The following LUZP2 variants were observed in gnomAD, a reference collection of about 807,000 sequenced individuals.
LUZP2 encodes the protein leucine zipper protein 2.
LUZP2 carries 52 observed loss-of-function variants against 51.6 expected under a neutral mutation model. That is an observed-to-expected ratio of 1.01 (90% confidence interval 0.81 to 1.27). The LOEUF (loss-of-function observed/expected upper bound fraction) is 1.27. Among genes scored for constraint, LUZP2 ranks in the 50% most tolerant of loss-of-function variants. LUZP2 has a pLI of 0.00. For synonymous variants in LUZP2, 154 were observed against 137.3 expected (o/e 1.12, Z -0.85); for missense variants, 436 against 395.4 (o/e 1.10, Z -0.87).
intron 1 of LUZP2, among the ~76,000 whole-genome samples, chr11:24,536,061 T>C (rs1851167950): frequency 6.6e-6 from 1 of 151,766 alleles, no homozygotes; most frequent in Non-Finnish European, 1.5e-5. Flanking sequence ...TTGCAAGAAA[T>C]CTTTTGTTCT....
chr11:24,534,873 C>T (rs906367237), intron 1 of LUZP2, among the ~76,000 whole-genome samples: 5 of 151,236 alleles, frequency 3.3e-5, no homozygotes, highest in African/African-American at 1.2e-4. Context: ...AATGCAGGTC[C>T]TTGGTTGAAA....
At chr11:24,892,181 T>C (rs1852875867) in intron 5 of LUZP2, 13 of 985,646 alleles carry the variant, frequency 1.3e-5, no homozygotes, top group East Asian at 1.1e-4. Context: ...TCTCCTTTTT[T>C]ACCTTCTGTG....
intron 6 of LUZP2, among the ~76,000 whole-genome samples, chr11:24,906,783 G>A (rs1317634598): frequency 6.6e-6 from 1 of 152,062 alleles, no homozygotes; most frequent in Non-Finnish European, 1.5e-5. Flanking sequence ...AAATGTGCGA[G>A]AAATATATTC....
intron 1 of LUZP2, among the ~76,000 whole-genome samples, chr11:24,507,387 C>T (rs990755612): frequency 2.0e-5 from 3 of 152,068 alleles, no homozygotes; most frequent in Non-Finnish European, 4.4e-5. Flanking sequence ...CACACCTTTA[C>T]ACATGTGTAT....
At chr11:24,923,014 A>G (rs1344338163) in intron 7 of LUZP2, among the ~76,000 whole-genome samples, 2 of 151,392 alleles carry the variant, frequency 1.3e-5, no homozygotes, top group African/African-American at 4.9e-5. Flanking sequence ...ACGCCTAGCT[A>G]ATTTTTTGTA....
chr11:25,055,328 T>A (rs1281013701), intron 10 of LUZP2, among the ~76,000 whole-genome samples: 3 of 152,100 alleles, frequency 2.0e-5, no homozygotes, highest in African/African-American at 7.2e-5. Flanking sequence ...CTTTTAAAAT[T>A]TCTTTCAGCA....
At chr11:24,907,629 T>C (rs1176357612) in intron 6 of LUZP2, among the ~76,000 whole-genome samples, 1 of 152,154 alleles carries the variant, frequency 6.6e-6, no homozygotes, top group Non-Finnish European at 1.5e-5. Context: ...AGAATGATGT[T>C]TTGAATAAGA....
intron 5 of LUZP2, among the ~76,000 whole-genome samples, chr11:24,853,871 G>A (rs2134229128): frequency 6.6e-6 from 1 of 152,250 alleles, no homozygotes; most frequent in South Asian, 2.1e-4. Context: ...CCTTCTAACA[G>A]GCCCCTCAGC....
chr11:24,552,231 G>T (rs1851744437), intron 1 of LUZP2, among the ~76,000 whole-genome samples: 1 of 151,920 alleles, frequency 6.6e-6, no homozygotes, highest in South Asian at 2.1e-4. Flanking sequence ...TCAAATTAGT[G>T]TTTAACCTAG....
chr11:24,667,478 T>C (rs896288081), intron 1 of LUZP2, among the ~76,000 whole-genome samples: 1 of 152,110 alleles, frequency 6.6e-6, no homozygotes, highest in Non-Finnish European at 1.5e-5. Flanking sequence ...AGCTGCCGCG[T>C]CCACCACATG....
At chr11:24,818,753 A>G (rs775353783) in intron 5 of LUZP2, among the ~76,000 whole-genome samples, 15 of 152,076 alleles carry the variant, frequency 9.9e-5, no homozygotes, top group African/African-American at 1.9e-4. Flanking sequence ...TCACTTTCAC[A>G]GAGACGCTTT....
intron 5 of LUZP2, among the ~76,000 whole-genome samples, chr11:24,837,130 C>T (rs768641179): frequency 1.3e-5 from 2 of 151,718 alleles, no homozygotes; most frequent in Admixed American, 6.6e-5. Flanking sequence ...TTCCCCAGTT[C>T]TCTGACATTT....
chr11:24,942,706 G>A (rs1372980509), intron 7 of LUZP2, among the ~76,000 whole-genome samples: 1 of 148,734 alleles, frequency 6.7e-6, no homozygotes, highest in South Asian at 2.1e-4. Flanking sequence ...AGCTTTCAAA[G>A]GGAAAAAAAA....
At position 25,079,998 on chromosome 11, in the gene LUZP2, G is replaced by T. The variant is rs771306320; in HGVS notation, c.*1340G>T. The T allele has an allele frequency of 1.8e-4, 27 of 152,230 alleles. No homozygotes were observed. Among genetic ancestry groups the T allele is most frequent in the Non-Finnish European group, 3.2e-4 (22 of 67,986 alleles). 9.4% of individuals were successfully genotyped at this position (152,230 alleles called of 1,614,324 possible). ...CTCTGATCAAAATGGCATATTTAAA[G>T]AAATTTAAAGATTTGGAGAATTGGA... is the stretch of plus-strand genomic sequence containing the variant. On this transcript the variant is annotated 3_prime_UTR_variant, in exon 12 of 12. Coordinates refer to ENST00000336930, the MANE Select transcript of LUZP2 (RefSeq NM_001009909.4).
chr11:24,955,332 G>A (rs1855184956), intron 7 of LUZP2, among the ~76,000 whole-genome samples: 1 of 151,874 alleles, frequency 6.6e-6, no homozygotes, highest in South Asian at 2.1e-4. Flanking sequence ...GAAGGTGTGA[G>A]AGAAGGAAAG....
chr11:24,755,544 T>A (rs568752571), intron 4 of LUZP2, among the ~76,000 whole-genome samples: 1 of 152,282 alleles, frequency 6.6e-6, no homozygotes, highest in Non-Finnish European at 1.5e-5. Context: ...TTTTCTCTTA[T>A]TAGTTTCATA....
At chr11:24,861,247 A>G (rs11606335) in intron 5 of LUZP2, among the ~76,000 whole-genome samples, 25,920 of 152,066 alleles carry the variant, frequency 0.17, 2,310 homozygotes, top group South Asian at 0.22. Flanking sequence ...GCAGACAAGA[A>G]TAGGGAAAAA....
chr11:24,722,242 G>T (rs753056242), intron 1 of LUZP2, among the ~76,000 whole-genome samples: 2 of 152,176 alleles, frequency 1.3e-5, no homozygotes, highest in African/African-American at 2.4e-5. Flanking sequence ...ATTTGTATCA[G>T]TCTGTTTTCA....
intron 4 of LUZP2, among the ~76,000 whole-genome samples, chr11:24,750,264 G>A (rs1042081987): frequency 6.6e-6 from 1 of 152,118 alleles, no homozygotes; most frequent in African/African-American, 2.4e-5. Flanking sequence ...GATCTCTCAG[G>A]TCTCCATCTT....
Sources: allele counts gnomAD v4.1 joint callset (sites outside exome capture counted in the v4.1 genomes callset), GRCh38; gene constraint gnomAD v4.1.1; transcripts MANE v1.5; gene names NCBI Gene and HGNC (gene_info 2026-07-23, HGNC 2026-07-21).